TOM1L2: variants seen among roughly 807,000 people sequenced by gnomAD.
TOM1L2 encodes the protein target of myb1 like 2 membrane trafficking protein, also known as TOM1-like protein 2.
TOM1L2 carries 31 observed loss-of-function variants against 67.9 expected under a neutral mutation model. The observed-to-expected ratio is 0.46, with a 90% confidence interval of 0.34 to 0.62. TOM1L2 has a LOEUF of 0.62. TOM1L2 is among the 20% of genes least tolerant of loss of function. The pLI is 0.01. For synonymous variants in TOM1L2, 256 were observed against 254.0 expected, an observed-to-expected ratio of 1.01 and a Z score of -0.07; for missense variants, 606 against 663.5, an observed-to-expected ratio of 0.91 and a Z score of 0.95.
At chr17:17,873,862 T>C (rs1598233972) in intron 7 of TOM1L2, among the ~76,000 whole-genome samples, 2 of 152,258 alleles carry the variant, frequency 1.3e-5, no homozygotes, top group East Asian at 3.9e-4. Context: ...CAGCTGAGGC[T>C]GCTCTGCTTT....
rs539275208 is a variant in TOM1L2, at chr17:17,915,916, T to C, written c.53-8385A>G. On this transcript the variant is annotated intron_variant, in intron 1 of 14. Transcript: ENST00000379504. Reference sequence around the variant, plus strand: ...CTGAATATTAATCCCGCCTATTTTATGGTTGTCTTTTCACTCTCTTGATTG... The same window carrying C: ...CTGAATATTAATCCCGCCTATTTTACGGTTGTCTTTTCACTCTCTTGATTG... 8.6e-5 allele frequency among the ~76,000 whole-genome samples: 13 copies of C among 151,584 alleles called. No individual in the cohort carries two copies. The South Asian group carries it at 2.3e-3, about 27-fold the overall frequency.
chr17:17,892,579 TG>T (rs1229845921), intron 4 of TOM1L2, among the ~76,000 whole-genome samples: 5 of 152,188 alleles, frequency 3.3e-5, no homozygotes, highest in African/African-American at 1.2e-4. Context: ...CACTGGCCTC[TG>T]GGCATCCTTC....
chr17:17,895,547 G>A (rs2038525039), intron 3 of TOM1L2, among the ~76,000 whole-genome samples: 1 of 152,192 alleles, frequency 6.6e-6, no homozygotes, highest in South Asian at 2.1e-4. Flanking sequence ...TCCTTAAGTG[G>A]ACCTTAATAT....
At chr17:17,858,205 C>T in intron 12 of TOM1L2, 1 of 169,360 alleles carries the variant, frequency 5.9e-6, no homozygotes, top group South Asian at 1.9e-4. Context: ...AAAAGCAATT[C>T]TACTTTTTTC....
At chr17:17,917,344 A>G (rs1443299975) in intron 1 of TOM1L2, among the ~76,000 whole-genome samples, 1 of 151,734 alleles carries the variant, frequency 6.6e-6, no homozygotes, top group African/African-American at 2.4e-5. Flanking sequence ...AAAAAAATAA[A>G]TAAAAATAAA....
At chr17:17,866,219 A>G in intron 10 of TOM1L2, 77 bp downstream of exon 10, 1 of 1,485,390 alleles carries the variant, frequency 6.7e-7, no homozygotes. Context: ...GTCTTCCAAG[A>G]AAGAAAGAGA....
Position 17,869,378 on chromosome 17 carries a change from C to G in TOM1L2, c.873G>C (p.Val291=), listed in dbSNP as rs369310259. Residue 291 remains valine, a synonymous_variant, in exon 8 of 15, where the codon GTG becomes GTC. Coordinates refer to ENST00000379504, the MANE Select transcript of TOM1L2 (RefSeq NM_001082968.2). ...NEEVTEELLH[V]NDDLNNVFLR... is the part of the protein sequence containing the mutation. ...GGAAGACGTTGTTGAGGTCATCGTT[C>G]ACATGCAGCAGCTCCTCGGTGACCT... 1.2e-6 allele frequency: 2 copies of G among 1,612,676 alleles called. No homozygotes were observed. The highest frequency in any genetic ancestry group is 1.7e-5 in the Admixed American group (1 of 59,974).
At chr17:17,952,344 C>T (rs1339543134) in intron 1 of TOM1L2, among the ~76,000 whole-genome samples, 1 of 145,188 alleles carries the variant, frequency 6.9e-6, no homozygotes, top group Non-Finnish European at 1.5e-5. Flanking sequence ...ATTAAGGGCT[C>T]ACTCTTTATA....
intron 1 of TOM1L2, among the ~76,000 whole-genome samples, chr17:17,909,309 T>C (rs1038098461): frequency 1.3e-5 from 2 of 152,150 alleles, no homozygotes; most frequent in African/African-American, 4.8e-5. Context: ...GTCATGTTCA[T>C]AGCAGCAATA....
At chr17:17,865,280 A>G (rs552489013) in intron 10 of TOM1L2, among the ~76,000 whole-genome samples, 34 of 152,340 alleles carry the variant, frequency 2.2e-4, no homozygotes, top group African/African-American at 6.7e-4. Flanking sequence ...CAATCAATCA[A>G]TCACAGACTT....
chr17:17,934,987 G>A (rs755991564), intron 1 of TOM1L2, among the ~76,000 whole-genome samples: 1 of 152,206 alleles, frequency 6.6e-6, no homozygotes, highest in Non-Finnish European at 1.5e-5. Flanking sequence ...AGCAATTAGA[G>A]TGGAACTCAG....
intron 5 of TOM1L2, 105 bp downstream of exon 5, chr17:17,884,529 T>A: frequency 2.0e-6 from 3 of 1,508,310 alleles, no homozygotes; most frequent in Non-Finnish European, 1.8e-6. Context: ...GAAAGCATGA[T>A]GACAAGCTGA....
intron 14 of TOM1L2, 56 bp from the exon 15 acceptor site, chr17:17,847,839 A>C (rs2035734566): frequency 1.9e-6 from 3 of 1,610,274 alleles, no homozygotes; most frequent in Non-Finnish European, 2.5e-6. Flanking sequence ...CACCAGAGGA[A>C]GCGCACCCTT....
rs1399183473 is a variant in TOM1L2, at chr17:17,906,126, CTTTTCA to C, written c.137+1315_137+1320del. Among the ~76,000 whole-genome samples, 11 of 110,198 alleles carry C rather than the reference CTTTTCA, an allele frequency of 1.0e-4. No individual in the cohort carries two copies. In the South Asian group the frequency reaches 1.3e-3, roughly 13 times the overall value. 72.3% of individuals were successfully genotyped at this position (110,198 alleles called of 152,430 possible). A position where few individuals can be genotyped will look rare whatever the true frequency, so the allele number is the denominator to read the frequency against. On this transcript the variant is annotated intron_variant, in intron 2 of 14. Coordinates refer to ENST00000379504, the MANE Select transcript of TOM1L2 (RefSeq NM_001082968.2). ...AGACTTTTCTGTTGTTTTGTCTTCT[CTTTTCA>C]TTTTTTTTTTTTTTGAGACAGGGTT...
chr17:17,859,429 G>C (rs956364688), intron 12 of TOM1L2: 1 of 152,246 alleles, frequency 6.6e-6, no homozygotes, highest in Non-Finnish European at 1.5e-5. Context: ...TTCATTTCGA[G>C]GTCAGCATGG....
chr17:17,903,266 A>G (rs1008014075), intron 2 of TOM1L2, among the ~76,000 whole-genome samples: 2 of 151,916 alleles, frequency 1.3e-5, no homozygotes, highest in Non-Finnish European at 2.9e-5. Context: ...TCATTTATTC[A>G]CTTATTTAAC....
At chr17:17,967,202 A>G (rs558258423) in intron 1 of TOM1L2, among the ~76,000 whole-genome samples, 1 of 152,358 alleles carries the variant, frequency 6.6e-6, no homozygotes, top group Non-Finnish European at 1.5e-5. Flanking sequence ...TTTATGTCCA[A>G]CACCAGTCAG....
chr17:17,902,404 A>G (rs1016649686), intron 2 of TOM1L2, among the ~76,000 whole-genome samples: 2 of 152,236 alleles, frequency 1.3e-5, no homozygotes, highest in African/African-American at 2.4e-5. Flanking sequence ...TTGCACAAAT[A>G]CAAGAAGTGC....
intron 3 of TOM1L2, among the ~76,000 whole-genome samples, chr17:17,898,072 C>A (rs2038664804): frequency 6.6e-6 from 1 of 151,992 alleles, no homozygotes. Context: ...ACTACAGGCA[C>A]CTGCCACCAT....
Sources: gnomAD v4.1 joint callset for allele counts (sites outside exome capture counted in the v4.1 genomes callset) on GRCh38, gnomAD v4.1.1 for gene constraint, MANE v1.5 for transcripts, NCBI Gene and HGNC (gene_info 2026-07-23, HGNC 2026-07-21) for gene names.